Variants in KIAA1217 observed in about 807,000 individuals in gnomAD.
KIAA1217 encodes sickle tail protein homolog.
In KIAA1217, 88 loss-of-function variants were observed where a neutral mutation model predicts 163.9. The observed-to-expected ratio is 0.54, with a 90% confidence interval of 0.45 to 0.64. The LOEUF (loss-of-function observed/expected upper bound fraction) is 0.64. Ranked by LOEUF, KIAA1217 falls within the 30% of genes least tolerant of loss-of-function variation. The pLI is 0.00. For missense variants in KIAA1217, 2,372 were observed against 2,475.0 expected (o/e 0.96, Z 0.88); for synonymous variants, 903 against 923.1 (o/e 0.98, Z 0.39).
At chr10:23,735,996 C>T (rs1310041958) in intron 1 of KIAA1217, among the ~76,000 whole-genome samples, 2 of 152,166 alleles carry the variant, frequency 1.3e-5, no homozygotes, top group Non-Finnish European at 2.9e-5. Flanking sequence ...CATACATTTA[C>T]ATTTTATCAT....
At chr10:24,522,006 T>C in intron 12 of KIAA1217, 77 bp downstream of exon 12, 1 of 1,507,454 alleles carries the variant, frequency 6.6e-7, no homozygotes, top group South Asian at 1.2e-5. Flanking sequence ...GTTTGGGACT[T>C]CAGCCTTCCA....
chr10:24,364,247 G>C (rs1001660148), intron 2 of KIAA1217, among the ~76,000 whole-genome samples: 2 of 151,538 alleles, frequency 1.3e-5, no homozygotes, highest in Non-Finnish European at 2.9e-5. Flanking sequence ...CCAAAGTGCT[G>C]GGATTACAGG....
chr10:24,304,282 A>G (rs540469678), intron 2 of KIAA1217, among the ~76,000 whole-genome samples: 2 of 148,400 alleles, frequency 1.3e-5, no homozygotes, highest in Admixed American at 6.8e-5. Context: ...TGAACCAACT[A>G]TATCTTATGT....
chr10:24,144,388 T>G (rs950629848), intron 2 of KIAA1217, among the ~76,000 whole-genome samples: 53 of 152,210 alleles, frequency 3.5e-4, no homozygotes, highest in Admixed American at 3.3e-3. Flanking sequence ...GAGTGAACTC[T>G]GCTAAGGAAA....
intron 3 of KIAA1217, among the ~76,000 whole-genome samples, chr10:24,385,368 T>C (rs562305528): frequency 6.6e-6 from 1 of 152,316 alleles, no homozygotes; most frequent in East Asian, 1.9e-4. Context: ...CAAGAGAAAG[T>C]GTGGGGAACA....
intron 2 of KIAA1217, among the ~76,000 whole-genome samples, chr10:24,242,591 C>T (rs2073238808): frequency 1.3e-5 from 2 of 152,102 alleles, no homozygotes; most frequent in Admixed American, 1.3e-4. Flanking sequence ...TCTATATTCC[C>T]TTGGGTATAT....
At chr10:24,092,928 T>TGTGTTGTG (rs548350322) in intron 2 of KIAA1217, among the ~76,000 whole-genome samples, 5 of 140,952 alleles carry the variant, frequency 3.5e-5, no homozygotes, top group Admixed American at 7.0e-5. Flanking sequence ...TGTGTGTGTG[T>TGTGTTGTG]TGTGTGTGTG....
At chr10:23,976,173 C>T (rs181014410) in intron 1 of KIAA1217, among the ~76,000 whole-genome samples, 3 of 152,288 alleles carry the variant, frequency 2.0e-5, no homozygotes, top group Admixed American at 2.0e-4. Context: ...ATTTTATCCT[C>T]TCACTTTTTG....
intron 1 of KIAA1217, among the ~76,000 whole-genome samples, chr10:23,950,842 T>C (rs1564559681): frequency 1.3e-5 from 2 of 152,206 alleles, no homozygotes. Flanking sequence ...AGATTGTTTT[T>C]TGTTTTCTTT....
chr10:23,993,557 T>TTTTTTTTTTTTTTC (rs1474606983), intron 1 of KIAA1217, among the ~76,000 whole-genome samples: 3 of 120,928 alleles, frequency 2.5e-5, no homozygotes, highest in Non-Finnish European at 1.7e-5. Context: ...GCCCAGCTTT[T>TTTTTTTTTTTTTTC]TTTTTTTTTT....
chr10:24,255,636 C>T (rs1564352274), intron 2 of KIAA1217: 2 of 428,054 alleles, frequency 4.7e-6, no homozygotes, highest in East Asian at 7.5e-5. Flanking sequence ...CCTGCCCCCC[C>T]TGGGGTCCCT....
chr10:24,181,031 T>A (rs1449071578), intron 2 of KIAA1217, among the ~76,000 whole-genome samples: 1 of 152,226 alleles, frequency 6.6e-6, no homozygotes, highest in East Asian at 1.9e-4. Context: ...AGACAGCACA[T>A]GTTACTCATT....
At chr10:24,162,237 G>T (rs145217006) in intron 2 of KIAA1217, among the ~76,000 whole-genome samples, 1 of 152,194 alleles carries the variant, frequency 6.6e-6, no homozygotes, top group Non-Finnish European at 1.5e-5. Flanking sequence ...CCAGTCCTCC[G>T]AAAGCATAAG....
At chr10:24,211,223 C>T (rs2068033062) in intron 1 of KIAA1217, among the ~76,000 whole-genome samples, 1 of 152,016 alleles carries the variant, frequency 6.6e-6, no homozygotes. Flanking sequence ...CAAAGAACAG[C>T]AAGAACATGG....
chr10:24,396,004 A>C (rs771710919), intron 3 of KIAA1217, among the ~76,000 whole-genome samples: 6 of 152,176 alleles, frequency 3.9e-5, no homozygotes, highest in African/African-American at 1.4e-4. Context: ...TAAAAACTCA[A>C]TTAAAACTAC....
At chr10:24,286,455 T>TACACAC (rs564445274) in intron 2 of KIAA1217, among the ~76,000 whole-genome samples, 3 of 150,152 alleles carry the variant, frequency 2.0e-5, no homozygotes, top group East Asian at 3.9e-4. Flanking sequence ...TATATATATA[T>TACACAC]ACACACACAC....
intron 1 of KIAA1217, among the ~76,000 whole-genome samples, chr10:23,946,623 T>A (rs1844060203): frequency 6.6e-6 from 1 of 152,192 alleles, no homozygotes; most frequent in African/African-American, 2.4e-5. Context: ...TTTCATCATT[T>A]AAAATATCAT....
rs746590161 is a variant in KIAA1217, at chr10:24,237,883, C to T, written c.354+17974C>T. Among the ~76,000 whole-genome samples the T allele has an allele frequency of 1.4e-4, 22 of 152,196 alleles. 1 individual carries two copies. Among genetic ancestry groups the T allele is most frequent in the Middle Eastern group, 6.3e-3 (2 of 316 alleles). On this transcript the variant is annotated intron_variant, in intron 2 of 20. Coordinates refer to ENST00000376454, the MANE Select transcript of KIAA1217 (RefSeq NM_019590.5). ...GTTCTTGGTTGCCTTCAAAGGTAAC[C>T]TCCCATCTGTTGACAGTGAACTACG...
In KIAA1217 at chr10:24,029,585, C is replaced by CT. The variant is rs542697967; in HGVS notation, c.-171+22212dup. Among the ~76,000 whole-genome samples, 10 of 152,230 alleles carry CT rather than the reference C, an allele frequency of 6.6e-5. No individual in the cohort carries two copies. The South Asian group carries it at 2.1e-3, about 32-fold the overall frequency. On this transcript the variant is annotated intron_variant, in intron 2 of 18. Transcript: ENST00000376462. The stretch of plus-strand genomic sequence containing the variant: ...GCCAGAGGATTTACTAGCAAGGATT[C>CT]TGAAGCCAACTGGGGGAAATTTCTC...
Sources: gnomAD v4.1 joint callset for allele counts (sites outside exome capture counted in the v4.1 genomes callset) on GRCh38, gnomAD v4.1.1 for gene constraint, MANE v1.5 for transcripts, NCBI Gene and HGNC (gene_info 2026-07-23, HGNC 2026-07-21) for gene names.